The following LRRIQ3 variants were observed in gnomAD, a reference collection of about 807,000 sequenced individuals.
The protein encoded by LRRIQ3 is leucine rich repeats and IQ motif containing 3.
In LRRIQ3, 75 loss-of-function variants were observed where a neutral mutation model predicts 59.3. That is an observed-to-expected ratio of 1.26 (90% CI 1.05 to 1.53). LRRIQ3 has a LOEUF of 1.53. LRRIQ3 is among the 40% of genes most tolerant of loss of function. The pLI, the probability that LRRIQ3 is intolerant of heterozygous loss-of-function variation, is 0.00. For missense variants in LRRIQ3, 831 were observed against 710.0 expected (o/e 1.17, Z -1.94); for synonymous variants, 250 against 231.3 (o/e 1.08, Z -0.73).
At chr1:74,180,708 C>T (rs1003154888) in intron 3 of LRRIQ3, 2 of 1,548,984 alleles carry the variant, frequency 1.3e-6, no homozygotes, top group Admixed American at 2.0e-5. Context: ...TGAAATCCCA[C>T]CTCATGACTC....
intron 4 of LRRIQ3, among the ~76,000 whole-genome samples, chr1:74,143,228 T>C: frequency 6.6e-6 from 1 of 152,022 alleles, no homozygotes; most frequent in East Asian, 1.9e-4. Context: ...GACACTATTT[T>C]ATGGATAATA....
At chr1:74,072,987 G>A (rs911987369) in intron 6 of LRRIQ3, among the ~76,000 whole-genome samples, 5 of 151,952 alleles carry the variant, frequency 3.3e-5, no homozygotes, top group African/African-American at 1.2e-4. Flanking sequence ...ATACTCAGAA[G>A]GTTGATTTCT....
At chr1:74,069,865 T>C (rs1475594233) in intron 6 of LRRIQ3, among the ~76,000 whole-genome samples, 3 of 151,970 alleles carry the variant, frequency 2.0e-5, no homozygotes, top group Non-Finnish European at 2.9e-5. Context: ...CTAGGGCTGA[T>C]AAAAATATTT....
intron 7 of LRRIQ3, among the ~76,000 whole-genome samples, chr1:74,032,889 G>T (rs559060072): frequency 1.3e-5 from 2 of 151,916 alleles, no homozygotes; most frequent in Admixed American, 6.6e-5. Context: ...GCTTTTTACA[G>T]AAAAATGGAA....
chr1:74,066,760 C>A (rs934617187), intron 6 of LRRIQ3, among the ~76,000 whole-genome samples: 1 of 152,076 alleles, frequency 6.6e-6, no homozygotes, highest in Admixed American at 6.6e-5. Flanking sequence ...GATGCCATGG[C>A]AGACAAAACC....
At chr1:74,064,038 G>A (rs1307890207) in intron 6 of LRRIQ3, among the ~76,000 whole-genome samples, 1 of 151,654 alleles carries the variant, frequency 6.6e-6, no homozygotes, top group Non-Finnish European at 1.5e-5. Context: ...CAGATTTCCA[G>A]TAAATTCCAG....
intron 7 of LRRIQ3, among the ~76,000 whole-genome samples, chr1:74,038,181 C>A (rs1180734166): frequency 6.6e-6 from 1 of 152,192 alleles, no homozygotes; most frequent in Non-Finnish European, 1.5e-5. Context: ...GCCCAACACA[C>A]CGGCTGTGGC....
chr1:74,142,788 C>T (rs1260897758), intron 4 of LRRIQ3, among the ~76,000 whole-genome samples: 1 of 151,918 alleles, frequency 6.6e-6, no homozygotes, highest in Non-Finnish European at 1.5e-5. Flanking sequence ...CTTATTTTTG[C>T]AGCTCCTGAA....
intron 7 of LRRIQ3, among the ~76,000 whole-genome samples, chr1:74,036,713 A>T (rs1009628652): frequency 6.6e-6 from 1 of 152,128 alleles, no homozygotes; most frequent in African/African-American, 2.4e-5. Context: ...TGATCTTTAC[A>T]TGACTACATC....
At chr1:74,125,633 T>G (rs906109649) in intron 4 of LRRIQ3, among the ~76,000 whole-genome samples, 1 of 151,988 alleles carries the variant, frequency 6.6e-6, no homozygotes, top group Non-Finnish European at 1.5e-5. Context: ...CCTTCAATTC[T>G]GTTAATATAA....
At chr1:74,052,346 A>G (rs903057170) in intron 6 of LRRIQ3, among the ~76,000 whole-genome samples, 1 of 152,098 alleles carries the variant, frequency 6.6e-6, no homozygotes, top group South Asian at 2.1e-4. Flanking sequence ...GCCACATCCT[A>G]TCATTTCAGA....
chr1:74,183,238 A>G (rs991573372), intron 2 of LRRIQ3, 198 bp downstream of exon 2: 1 of 403,604 alleles, frequency 2.5e-6, no homozygotes. Flanking sequence ...CAGATTACAC[A>G]CTATTTATGT....
chr1:74,196,877 T>C (rs557974650), intron 1 of LRRIQ3, among the ~76,000 whole-genome samples: 1 of 152,286 alleles, frequency 6.6e-6, no homozygotes, highest in Admixed American at 6.5e-5. Flanking sequence ...TCCCCCATTA[T>C]AATCTATTCT....
chr1:74,069,165 C>A (rs1432117865), intron 6 of LRRIQ3, among the ~76,000 whole-genome samples: 10 of 152,028 alleles, frequency 6.6e-5, no homozygotes, highest in Non-Finnish European at 7.4e-5. Flanking sequence ...TAACAGCTGG[C>A]ACTTTCTGGA....
chr1:74,096,603 C>A (rs1050302397), intron 5 of LRRIQ3, among the ~76,000 whole-genome samples: 5 of 152,088 alleles, frequency 3.3e-5, no homozygotes, highest in Non-Finnish European at 5.9e-5. Flanking sequence ...AGCTGCATTC[C>A]TTTGGAGGGG....
At chr1:74,124,672 T>TC (rs1327006859) in intron 4 of LRRIQ3, among the ~76,000 whole-genome samples, 3 of 152,144 alleles carry the variant, frequency 2.0e-5, no homozygotes, top group South Asian at 2.1e-4. Flanking sequence ...TCACTGTAGA[T>TC]ATATAGATTT....
chr1:74,089,822 G>T (rs569835133), intron 5 of LRRIQ3, among the ~76,000 whole-genome samples: 36 of 152,110 alleles, frequency 2.4e-4, no homozygotes, highest in Non-Finnish European at 3.7e-4. Flanking sequence ...TATTTTAATG[G>T]TATGTGAATT....
intron 5 of LRRIQ3, among the ~76,000 whole-genome samples, chr1:74,088,476 T>TA (rs1487089489): frequency 6.6e-6 from 1 of 152,058 alleles, no homozygotes; most frequent in Non-Finnish European, 1.5e-5. Flanking sequence ...TATACAGACA[T>TA]ACGTATCAAT....
intron 5 of LRRIQ3, chr1:74,083,806 A>G (rs1646298064): frequency 5.9e-6 from 1 of 170,900 alleles, no homozygotes; most frequent in South Asian, 1.9e-4. Flanking sequence ...GTGGTAAAGA[A>G]TGGTGCTTTT....
Sources: gnomAD v4.1 joint callset for allele counts (sites outside exome capture counted in the v4.1 genomes callset) on GRCh38, gnomAD v4.1.1 for gene constraint, MANE v1.5 for transcripts, NCBI Gene and HGNC (gene_info 2026-07-23, HGNC 2026-07-21) for gene names.